SLC30A6: variants seen among roughly 807,000 people sequenced by gnomAD.
SLC30A6 encodes solute carrier family 30 member 6.
A neutral mutation model predicts 63.0 loss-of-function variants in SLC30A6; 55 were observed. That is an observed-to-expected ratio of 0.87 (90% CI 0.70 to 1.09). SLC30A6 has a LOEUF of 1.09. Among genes scored for constraint, SLC30A6 ranks in the 50% least tolerant of loss-of-function variants. The probability of loss-of-function intolerance (pLI) is 0.00; values close to 1 mark genes in which losing one functional copy is unlikely to be tolerated. For synonymous variants in SLC30A6, 224 were observed against 186.1 expected (o/e 1.20, Z -1.66); for missense variants, 587 against 549.2 (o/e 1.07, Z -0.69).
At chr2:32,214,035 C>G (rs1198982676) in intron 13 of SLC30A6, among the ~76,000 whole-genome samples, 1 of 152,066 alleles carries the variant, frequency 6.6e-6, no homozygotes, top group Non-Finnish European at 1.5e-5. Context: ...TGGAATCTCT[C>G]TTTTTGTAGA....
At chr2:32,182,270 G>C (rs1408765665) in intron 4 of SLC30A6, among the ~76,000 whole-genome samples, 1 of 152,070 alleles carries the variant, frequency 6.6e-6, no homozygotes, top group Non-Finnish European at 1.5e-5. Flanking sequence ...AAACTCATTT[G>C]GCTGCCTTTA....
chr2:32,184,652 C>G (rs1682646103), intron 5 of SLC30A6, among the ~76,000 whole-genome samples: 1 of 152,098 alleles, frequency 6.6e-6, no homozygotes. Flanking sequence ...GTAATTCCAG[C>G]TACTTGAGAG....
At chr2:32,200,411 A>T (rs1421148961) in intron 10 of SLC30A6, among the ~76,000 whole-genome samples, 1 of 151,846 alleles carries the variant, frequency 6.6e-6, no homozygotes, top group East Asian at 1.9e-4. Flanking sequence ...TGGAATAGAA[A>T]AGGGGGAAAG....
At chr2:32,182,099 AATTTTTGTGT>A (rs1464214575) in intron 4 of SLC30A6, among the ~76,000 whole-genome samples, 1 of 151,394 alleles carries the variant, frequency 6.6e-6, no homozygotes, top group Non-Finnish European at 1.5e-5. Flanking sequence ...ACACCTGGCT[AATTTTTGTGT>A]ATTTTTGTGG....
chr2:32,191,847 A>G (rs1683355108), intron 5 of SLC30A6, among the ~76,000 whole-genome samples: 1 of 152,118 alleles, frequency 6.6e-6, no homozygotes, highest in African/African-American at 2.4e-5. Context: ...TGGGCAACAT[A>G]GTGAGACCCC....
chr2:32,203,849 G>T (rs1684507637), intron 10 of SLC30A6: 1 of 1,309,312 alleles, frequency 7.6e-7, no homozygotes, highest in Non-Finnish European at 1.1e-6. Context: ...GGTTGGTCAA[G>T]TGGCCAGTCG....
chr2:32,192,847 T>C, intron 6 of SLC30A6, 71 bp from the exon 7 acceptor site: 1 of 972,066 alleles, frequency 1.0e-6, no homozygotes, highest in Non-Finnish European at 1.5e-6. Context: ...GGTGGGTGAA[T>C]GATATATTTA....
At chr2:32,201,843 A>G in intron 10 of SLC30A6, 3 of 1,436,010 alleles carry the variant, frequency 2.1e-6, no homozygotes, top group Non-Finnish European at 1.9e-6. Context: ...CAGATGAGAA[A>G]TCAGAAACAA....
Position 32,216,957 on chromosome 2 carries a change from C to G in SLC30A6, c.886-3256C>G, listed in dbSNP as rs185924500. ...AGGCTGGAGTGCAGTGGCATGATCTCAGCTCACTGCAACCTCTGCCTCCTG... is the reference window on the plus strand; with the variant it reads ...AGGCTGGAGTGCAGTGGCATGATCTGAGCTCACTGCAACCTCTGCCTCCTG... On this transcript the variant is annotated intron_variant, in intron 13 of 13. Coordinates refer to ENST00000282587, the MANE Select transcript of SLC30A6 (RefSeq NM_017964.5). Among the ~76,000 whole-genome samples, 165 of 152,122 alleles carry G rather than the reference C, an allele frequency of 1.1e-3. 1 individual carries two copies. The highest frequency in any genetic ancestry group is 3.9e-3 in the African/African-American group (163 of 41,482).
intron 5 of SLC30A6, among the ~76,000 whole-genome samples, chr2:32,190,126 C>G (rs2148847231): frequency 6.6e-6 from 1 of 152,048 alleles, no homozygotes; most frequent in East Asian, 1.9e-4. Context: ...TTCTTAGTTG[C>G]CCTTCTTTCT....
At chr2:32,214,800 T>C (rs1379850049) in intron 13 of SLC30A6, among the ~76,000 whole-genome samples, 1 of 152,242 alleles carries the variant, frequency 6.6e-6, no homozygotes, top group Non-Finnish European at 1.5e-5. Flanking sequence ...AAACAGAGTT[T>C]CCTTATTTTA....
At chr2:32,187,346 T>C in intron 5 of SLC30A6, 1 of 425,868 alleles carries the variant, frequency 2.3e-6, no homozygotes. Context: ...GGAAAATAAA[T>C]GCTGCCTAGT....
intron 4 of SLC30A6, among the ~76,000 whole-genome samples, chr2:32,176,807 C>CT (rs1188505665): frequency 6.6e-6 from 1 of 151,470 alleles, no homozygotes; most frequent in East Asian, 2.0e-4. Context: ...GAATCTTACT[C>CT]TGTCACCCAG....
intron 4 of SLC30A6, among the ~76,000 whole-genome samples, chr2:32,176,973 A>G (rs948437579): frequency 1.7e-4 from 26 of 151,580 alleles, no homozygotes; most frequent in Admixed American, 1.7e-3. Context: ...GGGTGTCGCC[A>G]TGTTGGCCAG....
At chr2:32,171,495 T>C (rs1172243117) in intron 2 of SLC30A6, 122 bp downstream of exon 2, 2 of 687,598 alleles carry the variant, frequency 2.9e-6, no homozygotes, top group Non-Finnish European at 4.8e-6. Flanking sequence ...TTCATTTTTC[T>C]ATGTTGGAAA....
chr2:32,166,022 C>G, intron 1 of SLC30A6, 119 bp downstream of exon 1: 3 of 1,454,874 alleles, frequency 2.1e-6, no homozygotes, highest in Non-Finnish European at 2.9e-6. Context: ...GAGTTGAAGT[C>G]GGGCCCCTTG....
intron 10 of SLC30A6, chr2:32,203,863 C>T (rs556276539): frequency 1.4e-5 from 16 of 1,171,926 alleles, no homozygotes; most frequent in South Asian, 9.9e-5. Flanking sequence ...CCAGTCGGGC[C>T]GATCAGGTGG....
intron 13 of SLC30A6, among the ~76,000 whole-genome samples, chr2:32,215,831 C>G (rs1180279171): frequency 6.6e-6 from 1 of 151,526 alleles, no homozygotes; most frequent in African/African-American, 2.4e-5. Flanking sequence ...CAGCCTTCCT[C>G]GTAGCTGGGA....
rs1484691706 is a variant in SLC30A6 at position 32,175,358 on chromosome 2, T to C, written c.215T>C (p.Phe72Ser). The C allele has an allele frequency of 6.2e-7, 1 of 1,611,026 alleles. No individual in the cohort carries two copies. The highest frequency in any genetic ancestry group is 1.3e-5 in the African/African-American group (1 of 74,832). Residue 72 changes from phenylalanine to serine, a missense_variant, in exon 4 of 14, where the codon TTT (phenylalanine) becomes TCT (serine). Transcript: ENST00000282587. The stretch of plus-strand genomic sequence containing the variant: ...ACTTACCTGACCATTTTTGATCTTT[T>C]TAGGTAAGTTTTTAGGAAATCTTAA... Reference protein sequence around the residue: ...AYTYLTIFDLFSLMTCLISYW... With the variant: ...AYTYLTIFDLSSLMTCLISYW...
Sources: gnomAD v4.1 joint callset for allele counts (sites outside exome capture counted in the v4.1 genomes callset) on GRCh38, gnomAD v4.1.1 for gene constraint, MANE v1.5 for transcripts, NCBI Gene and HGNC (gene_info 2026-07-23, HGNC 2026-07-21) for gene names.